The following DNAJC1 variants were observed in gnomAD, a reference collection of about 807,000 sequenced individuals.
DNAJC1 encodes the protein DnaJ heat shock protein family (Hsp40) member C1.
DNAJC1 carries 58 observed loss-of-function variants against 76.6 expected under a neutral mutation model. That is an observed-to-expected ratio of 0.76 (90% CI 0.61 to 0.94). The LOEUF (loss-of-function observed/expected upper bound fraction) is 0.94. DNAJC1 is among the 40% of genes least tolerant of loss of function. The pLI, the probability that DNAJC1 is intolerant of heterozygous loss-of-function variation, is 0.00. For synonymous variants in DNAJC1, 258 were observed against 267.9 expected (o/e 0.96, Z 0.36); for missense variants, 689 against 677.3 (o/e 1.02, Z -0.19).
intron 8 of DNAJC1, among the ~76,000 whole-genome samples, chr10:21,815,807 G>A (rs1835065907): frequency 6.6e-6 from 1 of 151,608 alleles, no homozygotes; most frequent in East Asian, 2.0e-4. Flanking sequence ...GGGCAGTGGT[G>A]TGAACTTGGC....
chr10:21,940,266 G>C (rs1837384666), intron 1 of DNAJC1, among the ~76,000 whole-genome samples: 1 of 152,136 alleles, frequency 6.6e-6, no homozygotes, highest in South Asian at 2.1e-4. Context: ...TAAATTTTAA[G>C]TCTGGGCTTC....
intron 9 of DNAJC1, among the ~76,000 whole-genome samples, chr10:21,770,545 G>A (rs903007545): frequency 1.3e-5 from 2 of 151,930 alleles, no homozygotes; most frequent in African/African-American, 2.4e-5. Context: ...CTACAGGCAT[G>A]TGCCAAGATG....
At chr10:21,977,498 A>G (rs1156453469) in intron 1 of DNAJC1, among the ~76,000 whole-genome samples, 2 of 152,200 alleles carry the variant, frequency 1.3e-5, no homozygotes, top group South Asian at 2.1e-4. Context: ...ACTAAACCCA[A>G]GAAAAGACTT....
At chr10:21,992,423 C>A (rs1325666033) in intron 1 of DNAJC1, among the ~76,000 whole-genome samples, 2 of 151,978 alleles carry the variant, frequency 1.3e-5, no homozygotes, top group African/African-American at 2.4e-5. Context: ...CATGGTGGTG[C>A]ACTCCTGTAA....
chr10:21,764,587 T>C (rs74120987), intron 10 of DNAJC1, among the ~76,000 whole-genome samples: 6 of 152,302 alleles, frequency 3.9e-5, no homozygotes, highest in African/African-American at 1.4e-4. Context: ...ATCCAAAATC[T>C]TAGGAAACAA....
chr10:21,776,236 A>G (rs982644820), intron 9 of DNAJC1, among the ~76,000 whole-genome samples: 1 of 152,212 alleles, frequency 6.6e-6, no homozygotes, highest in Non-Finnish European at 1.5e-5. Context: ...CAACAGTTAC[A>G]TGGTTACATA....
At chr10:21,856,684 C>A (rs1662922462) in intron 8 of DNAJC1, among the ~76,000 whole-genome samples, 1 of 151,900 alleles carries the variant, frequency 6.6e-6, no homozygotes, top group East Asian at 1.9e-4. Context: ...GGTTACACTG[C>A]AAGATAGTTG....
intron 3 of DNAJC1, among the ~76,000 whole-genome samples, chr10:21,923,495 A>G (rs1837071598): frequency 6.6e-6 from 1 of 151,970 alleles, no homozygotes; most frequent in South Asian, 2.1e-4. Flanking sequence ...AATGCTCTGT[A>G]TTTGGGATTC....
intron 8 of DNAJC1, among the ~76,000 whole-genome samples, chr10:21,849,281 G>C (rs369833609): frequency 9.3e-6 from 1 of 107,598 alleles, no homozygotes; most frequent in Non-Finnish European, 1.7e-5. Context: ...TGACAGAGTG[G>C]GACTCCGCCT....
intron 1 of DNAJC1, among the ~76,000 whole-genome samples, chr10:21,978,545 T>C (rs1838101003): frequency 6.6e-6 from 1 of 152,132 alleles, no homozygotes; most frequent in African/African-American, 2.4e-5. Context: ...TGGCAGTCTA[T>C]CAGTTGATTA....
At chr10:21,930,804 T>C (rs1295385619) in intron 1 of DNAJC1, among the ~76,000 whole-genome samples, 2 of 152,194 alleles carry the variant, frequency 1.3e-5, no homozygotes, top group South Asian at 2.1e-4. Context: ...AATCCTATTG[T>C]TGAGCAAAGA....
At chr10:21,845,285 CT>C (rs1295908371) in intron 8 of DNAJC1, among the ~76,000 whole-genome samples, 1 of 151,744 alleles carries the variant, frequency 6.6e-6, no homozygotes, top group African/African-American at 2.4e-5. Flanking sequence ...AAAAAAGTCA[CT>C]TTTAAGTAGT....
At chr10:21,920,362 ATTT>A (rs974270805) in intron 4 of DNAJC1, among the ~76,000 whole-genome samples, 31 of 152,072 alleles carry the variant, frequency 2.0e-4, no homozygotes, top group African/African-American at 7.5e-4. Context: ...AAGTGTAATA[ATTT>A]TTTTAACCAA....
chr10:21,812,919 G>T (rs1025194182), intron 8 of DNAJC1, among the ~76,000 whole-genome samples: 2 of 151,416 alleles, frequency 1.3e-5, no homozygotes, highest in East Asian at 3.9e-4. Flanking sequence ...CCCTTGTGCA[G>T]TCTCCTTCCA....
intron 6 of DNAJC1, among the ~76,000 whole-genome samples, chr10:21,908,824 G>C (rs1412133555): frequency 6.6e-6 from 1 of 151,766 alleles, no homozygotes. Flanking sequence ...TAATCCTTAT[G>C]AATGGAACCA....
intron 7 of DNAJC1, among the ~76,000 whole-genome samples, chr10:21,884,570 T>C (rs1836337378): frequency 6.6e-6 from 1 of 152,126 alleles, no homozygotes; most frequent in South Asian, 2.1e-4. Context: ...TACTCAAATA[T>C]AACTGTATGT....
chr10:21,894,830 C>G (rs1262444088), intron 7 of DNAJC1, among the ~76,000 whole-genome samples: 2 of 152,138 alleles, frequency 1.3e-5, no homozygotes, highest in Non-Finnish European at 2.9e-5. Flanking sequence ...AGCATGCTGT[C>G]CCCTTTCTTC....
intron 8 of DNAJC1, among the ~76,000 whole-genome samples, chr10:21,813,016 TAC>T (rs1471089277): frequency 6.1e-5 from 5 of 82,304 alleles, no homozygotes; most frequent in Admixed American, 5.0e-4. Flanking sequence ...AAAAGACATA[TAC>T]ACACACATAC....
chr10:21,782,821 T>G (rs906661598), intron 9 of DNAJC1, among the ~76,000 whole-genome samples: 3 of 152,216 alleles, frequency 2.0e-5, no homozygotes, highest in Non-Finnish European at 1.5e-5. Context: ...TCTCAATAGA[T>G]GCAGAAAGGC....
Sources: gnomAD v4.1 joint callset for allele counts (sites outside exome capture counted in the v4.1 genomes callset) on GRCh38, gnomAD v4.1.1 for gene constraint, MANE v1.5 for transcripts, NCBI Gene and HGNC (gene_info 2026-07-23, HGNC 2026-07-21) for gene names.